The following COMMD10 variants were observed in gnomAD, a reference collection of about 807,000 sequenced individuals.
COMMD10 encodes the protein COMM domain-containing protein 10.
COMMD10 carries 33 observed loss-of-function variants against 28.9 expected under a neutral mutation model. The observed-to-expected ratio is 1.14, with a 90% CI of 0.87 to 1.53. COMMD10 has a LOEUF of 1.53. Ranked by LOEUF, COMMD10 falls within the 40% of genes most tolerant of loss-of-function variation. The pLI is 0.00. For missense variants in COMMD10, 310 were observed against 233.4 expected, an observed-to-expected ratio of 1.33 and a Z score of -2.14; for synonymous variants, 110 against 81.7, an observed-to-expected ratio of 1.35 and a Z score of -1.87.
At chr5:116,180,073 T>C (rs552808441) in intron 5 of COMMD10, among the ~76,000 whole-genome samples, 61 of 152,270 alleles carry the variant, frequency 4.0e-4, no homozygotes, top group Non-Finnish European at 8.4e-4. Context: ...CTGTAAAATA[T>C]AGGATTTTAG....
chr5:116,207,889 T>C (rs1329301133), intron 5 of COMMD10, among the ~76,000 whole-genome samples: 1 of 152,200 alleles, frequency 6.6e-6, no homozygotes, highest in Non-Finnish European at 1.5e-5. Flanking sequence ...TTTTGGCTGT[T>C]ATTTAATGAG....
chr5:116,157,408 A>G (rs181517200), intron 5 of COMMD10, among the ~76,000 whole-genome samples: 50 of 152,316 alleles, frequency 3.3e-4, no homozygotes, highest in Admixed American at 7.8e-4. Flanking sequence ...TGACTTGCTC[A>G]TGTTTCAGCA....
chr5:116,190,713 A>G (rs1748339745), intron 5 of COMMD10, among the ~76,000 whole-genome samples: 1 of 152,218 alleles, frequency 6.6e-6, no homozygotes, highest in Admixed American at 6.5e-5. Flanking sequence ...TTTTGTACCT[A>G]AAATATTAAC....
intron 5 of COMMD10, among the ~76,000 whole-genome samples, chr5:116,197,368 G>A (rs4921078): frequency 0.31 from 47,422 of 151,920 alleles, 10,197 homozygotes; most frequent in African/African-American, 0.62. Context: ...TTGCCAAATT[G>A]TAAGTAGAGT....
intron 5 of COMMD10, among the ~76,000 whole-genome samples, chr5:116,240,187 G>A (rs141401693): frequency 6.6e-6 from 1 of 152,074 alleles, no homozygotes; most frequent in East Asian, 1.9e-4. Flanking sequence ...GAACATAAGT[G>A]TAGACAGGTA....
chr5:116,179,904 G>A (rs546923212), intron 5 of COMMD10, among the ~76,000 whole-genome samples: 2 of 152,000 alleles, frequency 1.3e-5, no homozygotes, highest in African/African-American at 4.8e-5. Flanking sequence ...GGACGAGATG[G>A]CAGTTTTCTA....
Position 116,255,755 on chromosome 5 carries a change from C to T in COMMD10, c.511-35762C>T, listed in dbSNP as rs947671261. ...GTATTCAGTTACTTATTCTTTATAT[C>T]TTACAGGCAAAAAAGATACAACCCA... On this transcript the variant is annotated intron_variant, in intron 5 of 6. Coordinates refer to ENST00000274458, the MANE Select transcript of COMMD10 (RefSeq NM_016144.4). The T allele has an allele frequency of 4.4e-5, 6 of 135,786 alleles. 1 individual carries two copies. Among genetic ancestry groups the T allele is most frequent in the Admixed American group, 4.1e-4 (6 of 14,612 alleles). The allele number at this position is 135,786 out of a possible 1,614,324, so 8.4% of individuals were successfully genotyped here.
intron 5 of COMMD10, among the ~76,000 whole-genome samples, chr5:116,250,574 A>G (rs1336210020): frequency 1.3e-5 from 2 of 151,890 alleles, no homozygotes; most frequent in African/African-American, 2.4e-5. Context: ...GCATATACAT[A>G]AAGGAATAGA....
At chr5:116,236,613 A>C (rs1353187219) in intron 5 of COMMD10, among the ~76,000 whole-genome samples, 1 of 152,010 alleles carries the variant, frequency 6.6e-6, no homozygotes. Context: ...TCTATACTGC[A>C]TGATTCCAAC....
intron 4 of COMMD10, among the ~76,000 whole-genome samples, chr5:116,109,046 G>T (rs10036669): frequency 0.51 from 77,985 of 151,882 alleles, 22,306 homozygotes; most frequent in Non-Finnish European, 0.66. Flanking sequence ...ATCAGTCCCA[G>T]TGAGATGAAC....
At chr5:116,153,704 A>T (rs895225132) in intron 5 of COMMD10, among the ~76,000 whole-genome samples, 1 of 151,964 alleles carries the variant, frequency 6.6e-6, no homozygotes, top group African/African-American at 2.4e-5. Context: ...TTGCTTCTAT[A>T]GTGATTGGTT....
intron 5 of COMMD10, among the ~76,000 whole-genome samples, chr5:116,147,000 C>G (rs1752371387): frequency 6.6e-6 from 1 of 151,826 alleles, no homozygotes; most frequent in East Asian, 1.9e-4. Context: ...AGGATTTAAT[C>G]AGATCCTCGA....
chr5:116,161,496 C>G (rs1449134400), intron 5 of COMMD10, among the ~76,000 whole-genome samples: 2 of 152,058 alleles, frequency 1.3e-5, no homozygotes, highest in Non-Finnish European at 2.9e-5. Flanking sequence ...CAGCATATGA[C>G]TTTTGACTCC....
chr5:116,101,694 G>A (rs1050687990), intron 4 of COMMD10, among the ~76,000 whole-genome samples: 15 of 152,186 alleles, frequency 9.9e-5, no homozygotes, highest in African/African-American at 3.6e-4. Flanking sequence ...CAAAGTGTGG[G>A]CTTACAGGCG....
intron 5 of COMMD10, among the ~76,000 whole-genome samples, chr5:116,155,204 T>A (rs1009474913): frequency 2.0e-5 from 3 of 152,136 alleles, no homozygotes; most frequent in Non-Finnish European, 4.4e-5. Flanking sequence ...ATTGTCTGCA[T>A]TATTTAGTTA....
intron 5 of COMMD10, among the ~76,000 whole-genome samples, chr5:116,223,332 G>T (rs114472589): frequency 0.022 from 3,237 of 148,934 alleles, 122 homozygotes; most frequent in African/African-American, 0.076. Context: ...GAGAAAAAAA[G>T]TTCTTATTAC....
At chr5:116,260,157 T>C (rs1398140145) in intron 5 of COMMD10, among the ~76,000 whole-genome samples, 4 of 151,750 alleles carry the variant, frequency 2.6e-5, no homozygotes, top group Non-Finnish European at 5.9e-5. Context: ...AATGGAAAAA[T>C]ACAGATTTTG....
intron 5 of COMMD10, among the ~76,000 whole-genome samples, chr5:116,166,013 C>T (rs113413657): frequency 0.011 from 1,635 of 152,222 alleles, 17 homozygotes; most frequent in Non-Finnish European, 0.016. Flanking sequence ...GCTATGGTGG[C>T]AGACTCACTA....
At chr5:116,198,844 T>G (rs1370789048) in intron 5 of COMMD10, among the ~76,000 whole-genome samples, 1 of 152,292 alleles carries the variant, frequency 6.6e-6, no homozygotes, top group African/African-American at 2.4e-5. Flanking sequence ...CACAGTTTAT[T>G]TATTCATTTA....
Sources: gnomAD v4.1 joint callset for allele counts (sites outside exome capture counted in the v4.1 genomes callset) on GRCh38, gnomAD v4.1.1 for gene constraint, MANE v1.5 for transcripts, NCBI Gene and HGNC (gene_info 2026-07-23, HGNC 2026-07-21) for gene names.